PDE6B: variants seen among roughly 807,000 people sequenced by gnomAD.
PDE6B encodes rod cGMP-specific 3',5'-cyclic phosphodiesterase subunit beta.
A neutral mutation model predicts 109.0 loss-of-function variants in PDE6B; 106 were observed. The ratio of observed to expected loss-of-function variants is 0.97; its 90% CI spans 0.83 to 1.14. The LOEUF (loss-of-function observed/expected upper bound fraction) is 1.14. Among genes scored for constraint, PDE6B ranks in the 50% most tolerant of loss-of-function variants. The pLI is 0.00. For missense variants in PDE6B, 1,193 were observed against 1,155.6 expected (o/e 1.03, Z -0.47); for synonymous variants, 490 against 471.3 (o/e 1.04, Z -0.51).
rs1204500153 is a variant in PDE6B, at chr4:635,124, G to C, written c.621+295G>C. Among the ~76,000 whole-genome samples the C allele has an allele frequency of 6.5e-5, 6 of 92,120 alleles. No homozygotes were observed. In the East Asian group the frequency reaches 1.3e-3, roughly 19 times the overall value. The allele number at this position is 92,120 out of a possible 152,430, so 60.4% of individuals were successfully genotyped here. The stretch of plus-strand genomic sequence containing the variant: ...CCTTACCTGCCTGCCCGCGTGTTCT[G>C]TGCTGCGTGTCTGCCTCCTTACCTG... On this transcript the variant is annotated intron_variant, in intron 2 of 21. Transcript: ENST00000496514.
intron 1 of PDE6B, among the ~76,000 whole-genome samples, chr4:632,844 A>G (rs1472336340): frequency 6.6e-6 from 1 of 152,046 alleles, no homozygotes; most frequent in African/African-American, 2.4e-5. Context: ...TCTGAGGGTC[A>G]TGTTGTGCTC....
chr4:664,072 A>G (rs1737479426), intron 16 of PDE6B, 42 bp from the exon 17 acceptor site: 3 of 1,405,150 alleles, frequency 2.1e-6, no homozygotes, highest in African/African-American at 1.4e-5. Context: ...CGGGGTCTCC[A>G]CACTTGCTCC....
intron 12 of PDE6B, chr4:661,849 G>A: frequency 4.1e-6 from 2 of 482,124 alleles, no homozygotes; most frequent in Non-Finnish European, 3.8e-6. Flanking sequence ...CCAGCTTGAG[G>A]CCAGGCAGTC....
At position 666,543 on chromosome 4, in the gene PDE6B, C is replaced by T. The variant is rs756653121; in HGVS notation, c.2281C>T (p.Arg761Trp). 1.0e-4 allele frequency: 163 copies of T among 1,611,434 alleles called. No individual in the cohort carries two copies. The highest frequency in any genetic ancestry group is 1.4e-4 in the Non-Finnish European group (160 of 1,177,990). The change falls in exon 20 of 22, where the codon CGG (arginine) becomes TGG (tryptophan). Residue 761 changes from arginine to tryptophan, a missense_variant. Arg to Trp is a moderately radical substitution (Grantham distance 101, BLOSUM62 -3). Coordinates refer to ENST00000496514, the MANE Select transcript of PDE6B (RefSeq NM_000283.4). The surrounding 1 kb of genome is among the most constrained non-coding windows in gnomAD (Gnocchi z 5.6). Reference protein sequence around the residue: ...LDQQPIPMMDRNKAAELPKLQ... With the variant: ...LDQQPIPMMDWNKAAELPKLQ... ...TTCCTCCCACCAGCCTATGATGGAC[C>T]GGAACAAGGCGGCCGAGCTCCCCAA... is the stretch of plus-strand genomic sequence containing the variant.
chr4:653,935 G>A lies in PDE6B; in HGVS notation c.795G>A (p.Arg265=). 6.2e-7 allele frequency: 1 copy of A among 1,613,894 alleles called. No homozygotes were observed. The highest frequency in any genetic ancestry group is 8.5e-7 in the Non-Finnish European group (1 of 1,180,006). ...TCCACAAGGCCTTCTACACGGTGCG[G>A]GCCTACCTCAACTGCGAGCGGTACT... ...RQFHKAFYTV[R]AYLNCERYSV... Residue 265 remains arginine (R), a synonymous_variant, in exon 4 of 22, where the codon CGG becomes CGA. Transcript: ENST00000496514.
intron 3 of PDE6B, among the ~76,000 whole-genome samples, chr4:644,790 A>G (rs1266788272): frequency 2.6e-5 from 4 of 152,010 alleles, no homozygotes; most frequent in African/African-American, 9.7e-5. Context: ...TCGGCCTCCC[A>G]AAGTGCTGGG....
At chr4:657,140 G>A (rs990540162) in intron 9 of PDE6B, 117 bp downstream of exon 9, 11 of 1,236,594 alleles carry the variant, frequency 8.9e-6, no homozygotes, top group African/African-American at 3.0e-5. Flanking sequence ...ATGTGTGTGC[G>A]GTATGCATGC....
At chr4:627,873 G>A (rs537666558) in intron 1 of PDE6B, among the ~76,000 whole-genome samples, 4 of 151,828 alleles carry the variant, frequency 2.6e-5, no homozygotes, top group African/African-American at 9.7e-5. Flanking sequence ...CCCGGCTGAT[G>A]GTGTCTCTTC....
At chr4:637,497 T>C (rs1304190475) in intron 3 of PDE6B, among the ~76,000 whole-genome samples, 1 of 152,136 alleles carries the variant, frequency 6.6e-6, no homozygotes, top group African/African-American at 2.4e-5. Flanking sequence ...CTGGGATTAC[T>C]GGTTTGAGGC....
Position 665,464 on chromosome 4 carries a change from G to A in PDE6B, c.2268+135G>A. ...CGTGGGGTCCTTATCTCACTTTGTG[G>A]GATCATGTGACATGCGTGTGGGTGG... On this transcript the variant is annotated intron_variant, in intron 19 of 21. Coordinates refer to ENST00000496514, the MANE Select transcript of PDE6B (RefSeq NM_000283.4). This position sits in a 1 kb window ranked among gnomAD's most constrained non-coding sequence, Gnocchi z 4.0. The A allele has an allele frequency of 1.4e-6, 1 of 714,166 alleles. No individual in the cohort carries two copies. Among genetic ancestry groups the A allele is most frequent in the Non-Finnish European group, 2.6e-6 (1 of 386,774 alleles). 44.2% of individuals were successfully genotyped at this position (714,166 alleles called of 1,614,324 possible).
intron 7 of PDE6B, 88 bp downstream of exon 7, chr4:656,094 C>A: frequency 9.5e-7 from 1 of 1,047,906 alleles, no homozygotes; most frequent in Non-Finnish European, 1.5e-6. Context: ...CCACGTCCCG[C>A]CCTCCCGGCC....
At chr4:649,336 C>T (rs982138112) in intron 3 of PDE6B, among the ~76,000 whole-genome samples, 6 of 152,182 alleles carry the variant, frequency 3.9e-5, no homozygotes, top group Non-Finnish European at 8.8e-5. Flanking sequence ...AGAAGCTCAC[C>T]ATGAGATGAA....
rs780426891 is a variant in PDE6B at position 625,971 on chromosome 4, G to A, written c.345G>A (p.Pro115=). 7.2e-5 allele frequency: 114 copies of A among 1,583,854 alleles called. No homozygotes were observed. The highest frequency in any genetic ancestry group is 1.7e-4 in the Middle Eastern group (1 of 6,026). The change falls in exon 1 of 22, where the codon CCG becomes CCA. Residue 115 remains proline (P), a synonymous_variant. Transcript: ENST00000496514. This position sits in a 1 kb window ranked among gnomAD's most constrained non-coding sequence, Gnocchi z 5.0. Reference sequence around the variant, plus strand: ...CCACCAGGCTTTTCAGCGTGCAGCCGGACAGCGTCCTGGAGGACTGCCTGG... The same window carrying A: ...CCACCAGGCTTTTCAGCGTGCAGCCAGACAGCGTCCTGGAGGACTGCCTGG... The part of the protein sequence containing the change: ...ELATRLFSVQ[P]DSVLEDCLVP...
rs730880317 is a variant in PDE6B at position 660,484 on chromosome 4, GC to G, written c.1488del (p.Thr497ProfsTer78). On this transcript the variant is annotated frameshift_variant, in exon 12 of 22. Coordinates refer to ENST00000496514, the MANE Select transcript of PDE6B (RefSeq NM_000283.4). LOFTEE classifies it high-confidence loss of function. ...TCCCACAGAAGGAGGAGCTGCCAGG[GC>G]CCACCACATTTGACATCTACGAATT... ...GEILKEELPG[P>X]TTFDIYEFHF... The G allele has an allele frequency of 6.2e-7, 1 of 1,613,948 alleles. No individual in the cohort carries two copies. Among genetic ancestry groups the G allele is most frequent in the East Asian group, 2.2e-5 (1 of 44,880 alleles).
rs149524100 is a variant in PDE6B at position 653,893 on chromosome 4, G to A, written c.753G>A (p.Thr251=). ...WSANKVFEEL[T]DIERQFHKAF... ...CCAACAAGGTGTTTGAGGAGCTGAC[G>A]GACATCGAGAGGCAGTTCCACAAGG... Residue 251 remains threonine, a synonymous_variant, in exon 4 of 22, where the codon ACG becomes ACA. Transcript: ENST00000496514. The A allele has an allele frequency of 5.9e-5, 96 of 1,613,750 alleles. No homozygotes were observed. The highest frequency in any genetic ancestry group is 1.6e-4 in the Middle Eastern group (1 of 6,084).
intron 3 of PDE6B, among the ~76,000 whole-genome samples, chr4:638,079 G>A (rs1235895393): frequency 1.3e-5 from 2 of 152,212 alleles, no homozygotes; most frequent in African/African-American, 4.8e-5. Flanking sequence ...TGCCAGTGAC[G>A]AGTGAGCGTT....
At chr4:639,052 C>G (rs1443020782) in intron 3 of PDE6B, among the ~76,000 whole-genome samples, 3 of 152,162 alleles carry the variant, frequency 2.0e-5, no homozygotes, top group Non-Finnish European at 4.4e-5. Flanking sequence ...TTCAGTCCAC[C>G]ACTGTGATAG....
intron 12 of PDE6B, chr4:661,495 G>A (rs1403002197): frequency 6.5e-6 from 1 of 153,654 alleles, no homozygotes; most frequent in Non-Finnish European, 1.4e-5. Context: ...ACAGCCCTAG[G>A]AAGAGAATCC....
intron 11 of PDE6B, 129 bp downstream of exon 11, chr4:659,146 TG>T (rs1736725219): frequency 1.4e-6 from 1 of 724,030 alleles, no homozygotes; most frequent in Admixed American, 2.0e-5. Flanking sequence ...GTGCTGTGTG[TG>T]TATACTTGTG....
Sources: allele counts gnomAD v4.1 joint callset (sites outside exome capture counted in the v4.1 genomes callset), GRCh38; gene constraint gnomAD v4.1.1; non-coding constraint Gnocchi (gnomAD v3.1); transcripts MANE v1.5; gene names NCBI Gene and HGNC (gene_info 2026-07-23, HGNC 2026-07-21).